Variants in BIRC6 observed in about 807,000 individuals in gnomAD.
BIRC6 encodes the protein dual E2 ubiquitin-conjugating enzyme/E3 ubiquitin-protein ligase BIRC6.
A neutral mutation model predicts 503.3 loss-of-function variants in BIRC6; 98 were observed. That is an observed-to-expected ratio of 0.19 (90% CI 0.17 to 0.23). The LOEUF (loss-of-function observed/expected upper bound fraction) is 0.23, where lower values mean the gene tolerates loss of function less well. BIRC6 is among the 10% of genes least tolerant of loss of function. The pLI, the probability that BIRC6 is intolerant of heterozygous loss-of-function variation, is 1.00. For missense variants in BIRC6, 5,360 were observed against 5,806.0 expected, an observed-to-expected ratio of 0.92 and a Z score of 2.50; for synonymous variants, 2,240 against 2,078.7, an observed-to-expected ratio of 1.08 and a Z score of -2.11.
intron 9 of BIRC6, among the ~76,000 whole-genome samples, chr2:32,411,501 G>A (rs1486961852): frequency 6.9e-6 from 1 of 145,902 alleles, no homozygotes; most frequent in Non-Finnish European, 1.5e-5. Flanking sequence ...CTTTTGAGAC[G>A]GGATCTCACT....
At chr2:32,498,970 G>C (rs956822675) in intron 45 of BIRC6, among the ~76,000 whole-genome samples, 1 of 152,058 alleles carries the variant, frequency 6.6e-6, no homozygotes, top group Non-Finnish European at 1.5e-5. Flanking sequence ...TGCCCACCTG[G>C]GGCTCCCAAA....
intron 61 of BIRC6, among the ~76,000 whole-genome samples, chr2:32,540,673 T>C (rs2057594147): frequency 6.6e-6 from 1 of 152,062 alleles, no homozygotes; most frequent in Non-Finnish European, 1.5e-5. Context: ...TTTATGTAAA[T>C]ATCAGTTTAT....
intron 50 of BIRC6, among the ~76,000 whole-genome samples, chr2:32,506,957 C>CT (rs1183748918): frequency 2.0e-5 from 3 of 152,008 alleles, no homozygotes; most frequent in Non-Finnish European, 2.9e-5. Context: ...GTAATTCCTT[C>CT]TTTTTTTACC....
rs2050144214 is a variant in BIRC6, at chr2:32,479,518, G to A, written c.7309G>A (p.Asp2437Asn). The A allele has an allele frequency of 6.2e-7, 1 of 1,605,552 alleles. No homozygotes were observed. The highest frequency in any genetic ancestry group is 1.3e-5 in the African/African-American group (1 of 74,822). ...CATGGAGGAAGGAACAGTGGGTGAT[G>A]ATGTAGGTGCGACAGCTGGTGACTC... ...EAMEEGTVGD[D>N]VGATAGDSDD... Residue 2437 changes from aspartate (D) to asparagine (N), a missense_variant, in exon 37 of 74, where the codon GAT (aspartate) becomes AAT (asparagine). By Grantham distance (23) the Asp-to-Asn change is conservative. Transcript: ENST00000421745.
In BIRC6 at chr2:32,389,380, A is replaced by T. The variant is rs993111893; in HGVS notation, c.839+437A>T. On this transcript the variant is annotated intron_variant, in intron 4 of 73. Coordinates refer to ENST00000421745, the MANE Select transcript of BIRC6 (RefSeq NM_016252.4). The stretch of plus-strand genomic sequence containing the variant: ...GAAAGTGCTATCATTTTATAATGAA[A>T]AAAAAAAAAAGACCAGTTTAAAAAA... Among the ~76,000 whole-genome samples, 54 of 151,530 alleles carry T rather than the reference A, an allele frequency of 3.6e-4. 1 individual carries two copies. The highest frequency in any genetic ancestry group is 1.3e-3 in the African/African-American group (52 of 41,352).
rs367605804 is a variant in BIRC6, at chr2:32,420,671, C to T, written c.2872+4508C>T. 2.5e-4 allele frequency among the ~76,000 whole-genome samples: 38 copies of T among 151,914 alleles called. 2 individuals are homozygous for T. The highest frequency in any genetic ancestry group is 6.8e-3 in the Middle Eastern group (2 of 292). On this transcript the variant is annotated intron_variant, in intron 10 of 73. Coordinates refer to ENST00000421745, the MANE Select transcript of BIRC6 (RefSeq NM_016252.4). ...TGGGACTACAGGTACACCACCATGC[C>T]TGGTTAATTTTTGTATTTTTAGTAG...
At chr2:32,604,357 G>T (rs772153223) in intron 71 of BIRC6, among the ~76,000 whole-genome samples, 1 of 151,850 alleles carries the variant, frequency 6.6e-6, no homozygotes, top group Non-Finnish European at 1.5e-5. Flanking sequence ...GCTTATTTCC[G>T]GCCTACAGTA....
intron 28 of BIRC6, 146 bp downstream of exon 28, chr2:32,468,257 C>A: frequency 1.0e-6 from 1 of 994,082 alleles, no homozygotes; most frequent in Non-Finnish European, 1.5e-6. Context: ...TACAATAACA[C>A]TTAATGCGTG....
Position 32,470,288 on chromosome 2 carries a change from TAGG to T in BIRC6, c.6473_6475del (p.Arg2158del). 1 of 1,572,506 alleles carries T rather than the reference TAGG, an allele frequency of 6.4e-7. No individual in the cohort carries two copies. The highest frequency in any genetic ancestry group is 1.2e-5 in the South Asian group (1 of 85,144). On this transcript the variant is annotated inframe_deletion, in exon 31 of 74. Transcript: ENST00000421745. ...CTCTTCAGCCACAGTTACCCATGCA[TAGG>T]AGGACAGAAGGTATTAAGAGAAAGC... is the stretch of plus-strand genomic sequence containing the variant.
At chr2:32,407,369 C>G (rs369556640) in intron 9 of BIRC6, among the ~76,000 whole-genome samples, 1 of 148,574 alleles carries the variant, frequency 6.7e-6, no homozygotes, top group Non-Finnish European at 1.5e-5. Flanking sequence ...CGTTTGAACC[C>G]GGGAGGCGGA....
At chr2:32,375,317 C>G (rs1046210248) in intron 1 of BIRC6, among the ~76,000 whole-genome samples, 3 of 152,086 alleles carry the variant, frequency 2.0e-5, no homozygotes, top group Admixed American at 1.3e-4. Flanking sequence ...AGCATACATC[C>G]TTGTCTTGTT....
Position 32,478,794 on chromosome 2 carries a change from T to G in BIRC6, c.7228T>G (p.Cys2410Gly). 1 of 1,613,192 alleles carries G rather than the reference T, an allele frequency of 6.2e-7. No individual in the cohort carries two copies. Among genetic ancestry groups the G allele is most frequent in the Non-Finnish European group, 8.5e-7 (1 of 1,179,640 alleles). ...TGCTTGGGCTCAGTATTCCTTAACT[T>G]GCATGCTACAAGATATTTTAGCAGG... ...GGAWAQYSLT[C>G]MLQDILAGEL... The change falls in exon 36 of 74, where the codon TGC becomes GGC. Residue 2410 changes from cysteine to glycine, a missense_variant. Around this residue, in one of 16 missense-constraint regions of BIRC6, gnomAD observed 2,299 missense variants for 2,267.2 expected, o/e 1.01. Coordinates refer to ENST00000421745, the MANE Select transcript of BIRC6 (RefSeq NM_016252.4).
At chr2:32,383,050 T>A (rs1389786394) in intron 3 of BIRC6, among the ~76,000 whole-genome samples, 1 of 150,480 alleles carries the variant, frequency 6.6e-6, no homozygotes, top group Non-Finnish European at 1.5e-5. Flanking sequence ...ATTTTTTAAT[T>A]TAATTTTTTT....
At chr2:32,377,535 A>G (rs1443804632) in intron 1 of BIRC6, 53 bp from the exon 2 acceptor site, 2 of 1,410,368 alleles carry the variant, frequency 1.4e-6, no homozygotes, top group Admixed American at 2.3e-5. Context: ...ATTTATTTTT[A>G]ATAGACCATT....
chr2:32,574,291 T>A (rs1212735637), intron 65 of BIRC6, among the ~76,000 whole-genome samples: 1 of 151,808 alleles, frequency 6.6e-6, no homozygotes, highest in Non-Finnish European at 1.5e-5. Flanking sequence ...TTTTTTGTTA[T>A]CTTTTTGTAG....
At chr2:32,503,337 A>C in intron 49 of BIRC6, 101 bp downstream of exon 49, 1 of 949,332 alleles carries the variant, frequency 1.1e-6, no homozygotes, top group Non-Finnish European at 1.6e-6. Flanking sequence ...GTTATATATC[A>C]CTATTTTAAT....
chr2:32,449,432 T>C (rs1447488636), intron 22 of BIRC6, among the ~76,000 whole-genome samples: 2 of 152,214 alleles, frequency 1.3e-5, no homozygotes, highest in African/African-American at 2.4e-5. Context: ...CTAAAGAATG[T>C]GTTTTTCGGA....
At chr2:32,434,452 C>G (rs754383452) in intron 13 of BIRC6, among the ~76,000 whole-genome samples, 49 of 152,002 alleles carry the variant, frequency 3.2e-4, no homozygotes, top group African/African-American at 1.1e-3. Flanking sequence ...GGTTTCACAT[C>G]CCAGGAGTCA....
At chr2:32,454,099 T>C (rs2046988713) in intron 23 of BIRC6, 157 bp downstream of exon 23, 1 of 276,842 alleles carries the variant, frequency 3.6e-6, no homozygotes, top group South Asian at 1.4e-4. Flanking sequence ...TATAAATCGT[T>C]TTATATTCTT....
Sources: allele counts gnomAD v4.1 joint callset (sites outside exome capture counted in the v4.1 genomes callset), GRCh38; gene constraint gnomAD v4.1.1; regional missense constraint gnomAD v4.1.1; transcripts MANE v1.5; gene names NCBI Gene and HGNC (gene_info 2026-07-23, HGNC 2026-07-21).